DYNC2I1: variants seen among roughly 807,000 people sequenced by gnomAD.
The protein encoded by DYNC2I1 is dynein 2 intermediate chain 1.
A neutral mutation model predicts 133.4 loss-of-function variants in DYNC2I1; 89 were observed. The ratio of observed to expected loss-of-function variants is 0.67; its 90% CI spans 0.56 to 0.80. The LOEUF (loss-of-function observed/expected upper bound fraction) is 0.80. DYNC2I1 is among the 30% of genes least tolerant of loss of function. The pLI is 0.00. For missense variants in DYNC2I1, 1,291 were observed against 1,314.5 expected, an observed-to-expected ratio of 0.98 and a Z score of 0.28; for synonymous variants, 504 against 484.3, an observed-to-expected ratio of 1.04 and a Z score of -0.54.
At chr7:158,915,428 CGCTGGTTGAGATTAAGGATGATTGTGAA>C (rs1848017807) in intron 14 of DYNC2I1, among the ~76,000 whole-genome samples, 1 of 140,570 alleles carries the variant, frequency 7.1e-6, no homozygotes, top group African/African-American at 2.7e-5. Context: ...AACGTCGACA[CGCTGGTTGAGATTAAGGATGATTGTGAA>C]ACGTCGACAC....
chr7:158,879,966 G>C lies in DYNC2I1; in HGVS notation c.856G>C (p.Glu286Gln). The C allele has an allele frequency of 6.2e-7, 1 of 1,601,158 alleles. No homozygotes were observed. Among genetic ancestry groups the C allele is most frequent in the East Asian group, 2.2e-5 (1 of 44,826 alleles). ...TAGAAAAGAGAAATCGGCAAAAGATGAGCCCAGGAAAAGGGAATCCCAGGT... is the reference window on the plus strand; with the variant it reads ...TAGAAAAGAGAAATCGGCAAAAGATCAGCCCAGGAAAAGGGAATCCCAGGT... ...VDRKEKSAKD[E>Q]PRKRESQNGE... The change falls in exon 5 of 25, where the codon GAG becomes CAG. Residue 286 changes from glutamate (E) to glutamine (Q), a missense_variant. Physicochemically the swap from Glu to Gln is conservative, Grantham distance 29 (BLOSUM62 2). Coordinates refer to ENST00000407559, the MANE Select transcript of DYNC2I1 (RefSeq NM_018051.5).
chr7:158,865,699 C>A (rs1044788752), intron 1 of DYNC2I1, among the ~76,000 whole-genome samples: 8 of 152,140 alleles, frequency 5.3e-5, no homozygotes, highest in African/African-American at 1.7e-4. Flanking sequence ...GGAACTTTGC[C>A]CTTTGGTTCC....
chr7:158,955,220 C>G (rs1362690171), intron 4 of DYNC2I1, among the ~76,000 whole-genome samples: 1 of 152,202 alleles, frequency 6.6e-6, no homozygotes, highest in African/African-American at 2.4e-5. Flanking sequence ...CTGTTCATGC[C>G]GTCTCTGCCC....
downstream of DYNC2I1, among the ~76,000 whole-genome samples, chr7:158,947,853 T>C (rs529650559): frequency 3.9e-5 from 6 of 152,346 alleles, no homozygotes; most frequent in East Asian, 5.8e-4. Context: ...CCTGTGGCCA[T>C]TGGGCGGCTT....
intron 8 of DYNC2I1, among the ~76,000 whole-genome samples, chr7:158,898,747 T>C (rs902848201): frequency 2.0e-5 from 3 of 152,222 alleles, no homozygotes; most frequent in Non-Finnish European, 4.4e-5. Context: ...TACTATTTTT[T>C]ATTTGTTGCC....
intron 22 of DYNC2I1, 69 bp from the exon 23 acceptor site, chr7:158,934,349 G>T: frequency 6.4e-7 from 1 of 1,556,370 alleles, no homozygotes; most frequent in Non-Finnish European, 8.7e-7. Flanking sequence ...ATTGTTTGAG[G>T]AACAGTAGCT....
At chr7:158,952,060 A>C (rs536524809) in intron 4 of DYNC2I1, among the ~76,000 whole-genome samples, 7 of 152,338 alleles carry the variant, frequency 4.6e-5, no homozygotes, top group Non-Finnish European at 7.4e-5. Flanking sequence ...TGGGGCCCGA[A>C]GCCATGGTAC....
In DYNC2I1 at chr7:158,856,711, C is replaced by G; in HGVS notation, c.-25C>G. On this transcript the variant is annotated 5_prime_UTR_variant, in exon 1 of 25. Transcript: ENST00000407559. ...CGCCTGGCCGGGGCCGAGGACACCG[C>G]GGCCGCCCGGGCCTGCGGGAAGCGA... 1 of 1,233,204 alleles carries G rather than the reference C, an allele frequency of 8.1e-7. No individual in the cohort carries two copies. Among genetic ancestry groups the G allele is most frequent in the East Asian group, 3.2e-5 (1 of 31,610 alleles). The allele number at this position is 1,233,204 out of a possible 1,614,324, so 76.4% of individuals were successfully genotyped here.
In DYNC2I1 at chr7:158,930,392, A is replaced by C. The variant is rs114018982; in HGVS notation, c.2486-63A>C. The C allele has an allele frequency of 8.1e-4, 1,140 of 1,399,672 alleles. 7 individuals carry two copies. In the African/African-American group the frequency reaches 0.014, roughly 17 times the overall value. 86.7% of individuals were successfully genotyped at this position (1,399,672 alleles called of 1,614,324 possible). On this transcript the variant is annotated intron_variant, in intron 20 of 24. Transcript: ENST00000407559. ...CAATGAAAAATGATTCCAGGCAACT[A>C]TAACTAGATTTTGATTTAGCTTCTA...
At chr7:158,938,068 G>C (rs1322548531) in intron 23 of DYNC2I1, among the ~76,000 whole-genome samples, 1 of 152,202 alleles carries the variant, frequency 6.6e-6, no homozygotes, top group Non-Finnish European at 1.5e-5. Context: ...AATGATAACA[G>C]AAAACTTTCC....
At chr7:158,861,451 C>T (rs947583386) in intron 1 of DYNC2I1, among the ~76,000 whole-genome samples, 7 of 152,140 alleles carry the variant, frequency 4.6e-5, no homozygotes, top group African/African-American at 1.2e-4. Flanking sequence ...AGCTGTTTCC[C>T]GTCCCGCCTG....
chr7:158,924,604 G>A (rs991132136), intron 17 of DYNC2I1, among the ~76,000 whole-genome samples: 2 of 151,474 alleles, frequency 1.3e-5, no homozygotes, highest in African/African-American at 4.9e-5. Flanking sequence ...TATGGGTTGC[G>A]ATGCTATTTT....
intron 23 of DYNC2I1, among the ~76,000 whole-genome samples, chr7:158,937,885 G>A (rs1344929433): frequency 2.0e-5 from 3 of 152,114 alleles, no homozygotes; most frequent in African/African-American, 7.2e-5. Flanking sequence ...GGGTGACAGA[G>A]TGAATACTGT....
intron 8 of DYNC2I1, among the ~76,000 whole-genome samples, chr7:158,899,705 A>G (rs796213389): frequency 1.1e-4 from 17 of 152,294 alleles, no homozygotes; most frequent in African/African-American, 4.1e-4. Flanking sequence ...TGGGTTTATC[A>G]GGGGTTTCTG....
chr7:158,841,104 C>T, the DYNC2I1 span, among the ~76,000 whole-genome samples: 2 of 145,772 alleles, frequency 1.4e-5, no homozygotes, highest in Non-Finnish European at 3.0e-5. Context: ...TCCAACTGTC[C>T]CCCAACTCCC....
intron 17 of DYNC2I1, 118 bp from the exon 18 acceptor site, chr7:158,926,069 G>A (rs1849584548): frequency 1.3e-6 from 1 of 761,622 alleles, no homozygotes; most frequent in Admixed American, 2.2e-5. Flanking sequence ...GGGAAGATGT[G>A]TGGAGAGAGT....
intron 23 of DYNC2I1, among the ~76,000 whole-genome samples, 199 bp from the exon 24 acceptor site, chr7:158,941,726 A>T (rs1851384689): frequency 6.6e-6 from 1 of 152,184 alleles, no homozygotes; most frequent in Non-Finnish European, 1.5e-5. Flanking sequence ...TACGAACGAT[A>T]TAAAAGGTGG....
At chr7:158,891,650 G>C (rs1845230883) in intron 8 of DYNC2I1, among the ~76,000 whole-genome samples, 1 of 152,146 alleles carries the variant, frequency 6.6e-6, no homozygotes, top group Non-Finnish European at 1.5e-5. Flanking sequence ...GAGGGAAGAG[G>C]TTTAGGGTGA....
intron 5 of DYNC2I1, among the ~76,000 whole-genome samples, chr7:158,883,218 CTTT>C (rs201980757): frequency 2.2e-5 from 3 of 134,382 alleles, no homozygotes. Flanking sequence ...TTTTCTTCTT[CTTT>C]TTTTTTTTTT....
Sources: allele counts gnomAD v4.1 joint callset (sites outside exome capture counted in the v4.1 genomes callset), GRCh38; gene constraint gnomAD v4.1.1; transcripts MANE v1.5; gene names NCBI Gene and HGNC (gene_info 2026-07-23, HGNC 2026-07-21).